The following SAP30BP variants were observed in gnomAD, a reference collection of about 807,000 sequenced individuals.
SAP30BP encodes SAP30 binding protein, also known as SAP30-binding protein.
SAP30BP carries 31 observed loss-of-function variants against 46.3 expected under a neutral mutation model. That is an observed-to-expected ratio of 0.67 (90% CI 0.50 to 0.90). The LOEUF is 0.90. Ranked by LOEUF, SAP30BP falls within the 40% of genes least tolerant of loss-of-function variation. The pLI, the probability that SAP30BP is intolerant of heterozygous loss-of-function variation, is 0.00. For missense variants in SAP30BP, 312 were observed against 391.0 expected, an observed-to-expected ratio of 0.80 and a Z score of 1.70; for synonymous variants, 169 against 144.2, an observed-to-expected ratio of 1.17 and a Z score of -1.23.
At chr17:75,668,367 C>T (rs2059840479) in intron 1 of SAP30BP, 149 bp from the exon 2 acceptor site, 1 of 546,642 alleles carries the variant, frequency 1.8e-6, no homozygotes, top group African/African-American at 2.0e-5. Context: ...GAATCTGGGC[C>T]TATTGTAACT....
intron 1 of SAP30BP, chr17:75,668,259 C>T (rs569678998): frequency 2.6e-5 from 11 of 424,038 alleles, no homozygotes; most frequent in Middle Eastern, 6.0e-4. Flanking sequence ...TAGTGTTTAT[C>T]TAGTGTTTAT....
intron 4 of SAP30BP, 33 bp from the exon 5 acceptor site, chr17:75,699,750 C>T: frequency 6.8e-7 from 1 of 1,479,396 alleles, no homozygotes; most frequent in Non-Finnish European, 9.4e-7. Context: ...TTCTAATCCC[C>T]ACCTACAGAA....
chr17:75,705,860 G>C, intron 9 of SAP30BP, 148 bp from the exon 10 acceptor site: 1 of 1,224,238 alleles, frequency 8.2e-7, no homozygotes, highest in South Asian at 1.4e-5. Context: ...TAGACATCTC[G>C]CCCTACCCCA....
intron 2 of SAP30BP, among the ~76,000 whole-genome samples, chr17:75,669,690 C>T (rs2059880653): frequency 6.6e-6 from 1 of 152,206 alleles, no homozygotes; most frequent in Non-Finnish European, 1.5e-5. Context: ...CATCCCTGGC[C>T]TTCTTAACTT....
At chr17:75,700,840 T>C (rs1390392773) in intron 5 of SAP30BP, among the ~76,000 whole-genome samples, 1 of 152,198 alleles carries the variant, frequency 6.6e-6, no homozygotes, top group Non-Finnish European at 1.5e-5. Context: ...CAGCATACAG[T>C]GCCAATTGTG....
At chr17:75,691,174 G>A (rs2060236234) in intron 3 of SAP30BP, among the ~76,000 whole-genome samples, 1 of 152,066 alleles carries the variant, frequency 6.6e-6, no homozygotes. Flanking sequence ...CGAGTTGAGG[G>A]TGTACTCTGG....
chr17:75,707,151 G>A lies in SAP30BP; in HGVS notation c.*630G>A. ...CCAGTTTCCAGAAGGGCTGGGGTGAGATCCTGACCTGTGCAGAGAGTGGGG... is the reference window on the plus strand; with the variant it reads ...CCAGTTTCCAGAAGGGCTGGGGTGAAATCCTGACCTGTGCAGAGAGTGGGG... On this transcript the variant is annotated 3_prime_UTR_variant, in exon 11 of 11. Transcript: ENST00000584667. 1 of 154,798 alleles carries A rather than the reference G, an allele frequency of 6.5e-6. No homozygotes were observed. The highest frequency in any genetic ancestry group is 6.3e-5 in the Admixed American group (1 of 15,866). The allele number at this position is 154,798 out of a possible 1,614,324, so 9.6% of individuals were successfully genotyped here.
rs746134100 is a variant in SAP30BP at position 75,671,829 on chromosome 17, CA to C, written c.231del (p.Glu78ArgfsTer66). 27 of 1,613,560 alleles carry C rather than the reference CA, an allele frequency of 1.7e-5. No individual in the cohort carries two copies. Among genetic ancestry groups the C allele is most frequent in the Non-Finnish European group, 2.0e-5 (24 of 1,179,544 alleles). ...ENSRQSEDDD[S>X]ETEKPEADDP... ...TTTGTCTTGTAGGAAGATGACGATT[CA>C]GAGACTGAAAAACCTGAGGCTGATG... On this transcript the variant is annotated frameshift_variant, in exon 3 of 11. Coordinates refer to ENST00000584667, the MANE Select transcript of SAP30BP (RefSeq NM_013260.8). LOFTEE classifies it high-confidence loss of function.
chr17:75,692,109 T>C, intron 3 of SAP30BP: 1 of 512,282 alleles, frequency 2.0e-6, no homozygotes, highest in Non-Finnish European at 2.5e-6. Context: ...CAGCCTGGCC[T>C]GGACGTGGTG....
chr17:75,697,761 G>A (rs1341600799), intron 4 of SAP30BP, among the ~76,000 whole-genome samples: 2 of 152,192 alleles, frequency 1.3e-5, no homozygotes, highest in Non-Finnish European at 2.9e-5. Context: ...CAGCTGGACT[G>A]GCAGAGTCTG....
rs1201398447 is a variant in SAP30BP at position 75,674,021 on chromosome 17, T to TA, written c.264+2159dup. Among the ~76,000 whole-genome samples the TA allele has an allele frequency of 2.6e-5, 4 of 152,324 alleles. No homozygotes were observed. The East Asian group carries it at 7.7e-4, about 29-fold the overall frequency. ...AAATCCAACCCTCAAAGTCACTTGATATAGTTCTTTTGGAGGGTGATGGAG... is the reference window on the plus strand; with the variant it reads ...AAATCCAACCCTCAAAGTCACTTGATAATAGTTCTTTTGGAGGGTGATGGAG... On this transcript the variant is annotated intron_variant, in intron 3 of 10. Coordinates refer to ENST00000584667, the MANE Select transcript of SAP30BP (RefSeq NM_013260.8).
intron 3 of SAP30BP, among the ~76,000 whole-genome samples, chr17:75,677,354 C>T (rs1028284074): frequency 2.0e-5 from 3 of 151,794 alleles, no homozygotes; most frequent in Non-Finnish European, 2.9e-5. Context: ...CTGCCCGCCT[C>T]AGCCTCCCAA....
chr17:75,705,081 T>A (rs1238505474), intron 9 of SAP30BP: 1 of 455,032 alleles, frequency 2.2e-6, no homozygotes, highest in Admixed American at 3.4e-5. Flanking sequence ...GGGGGCTTTG[T>A]CCGTTTTGGG....
At chr17:75,704,718 G>C in intron 8 of SAP30BP, 38 bp from the exon 9 acceptor site, 2 of 1,538,190 alleles carry the variant, frequency 1.3e-6, no homozygotes, top group East Asian at 2.2e-5. Context: ...AGAGCTGCTC[G>C]GGGGCCACCT....
chr17:75,680,865 C>G (rs1031771390), intron 3 of SAP30BP, among the ~76,000 whole-genome samples: 4 of 152,104 alleles, frequency 2.6e-5, no homozygotes, highest in African/African-American at 9.7e-5. Flanking sequence ...TGAAACCCGT[C>G]TCTACAGAAA....
chr17:75,685,254 T>C (rs937223623), intron 3 of SAP30BP, among the ~76,000 whole-genome samples: 2 of 152,214 alleles, frequency 1.3e-5, no homozygotes, highest in African/African-American at 4.8e-5. Flanking sequence ...TTCTTTGAAA[T>C]TATATGATAC....
chr17:75,706,149 G>T lies in SAP30BP; in HGVS notation c.745+57G>T. On this transcript the variant is annotated intron_variant, in intron 10 of 10. Coordinates refer to ENST00000584667, the MANE Select transcript of SAP30BP (RefSeq NM_013260.8). The surrounding 1 kb of genome is among the most constrained non-coding windows in gnomAD (Gnocchi z 4.6). Reference sequence around the variant, plus strand: ...CACACATGGAGCCAGGGTCTCCCTGGCTTGTTTGGGCGACAGACAGCACGT... The same window carrying T: ...CACACATGGAGCCAGGGTCTCCCTGTCTTGTTTGGGCGACAGACAGCACGT... The T allele has an allele frequency of 6.3e-7, 1 of 1,579,934 alleles. No homozygotes were observed. Among genetic ancestry groups the T allele is most frequent in the Admixed American group, 1.9e-5 (1 of 53,616 alleles).
intron 4 of SAP30BP, among the ~76,000 whole-genome samples, chr17:75,695,514 C>T (rs571211435): frequency 6.6e-6 from 1 of 152,274 alleles, no homozygotes; most frequent in East Asian, 1.9e-4. Flanking sequence ...ACTGATTCAC[C>T]CATGAGGACA....
chr17:75,678,870 G>A (rs536841838), intron 3 of SAP30BP, among the ~76,000 whole-genome samples: 25 of 152,254 alleles, frequency 1.6e-4, no homozygotes, highest in Non-Finnish European at 2.8e-4. Context: ...GAAGCCGCGC[G>A]CAGAATTCCA....
Sources: gnomAD v4.1 joint callset for allele counts (sites outside exome capture counted in the v4.1 genomes callset) on GRCh38, gnomAD v4.1.1 for gene constraint, Gnocchi (gnomAD v3.1) non-coding constraint, MANE v1.5 for transcripts, NCBI Gene and HGNC (gene_info 2026-07-23, HGNC 2026-07-21) for gene names.